YES1: variants seen among roughly 807,000 people sequenced by gnomAD.
YES1 encodes the protein tyrosine-protein kinase Yes.
A neutral mutation model predicts 70.4 loss-of-function variants in YES1; 39 were observed. The ratio of observed to expected loss-of-function variants is 0.55; its 90% CI spans 0.43 to 0.72. The LOEUF is 0.72. YES1 is among the 30% of genes least tolerant of loss of function. The pLI, the probability that YES1 is intolerant of heterozygous loss-of-function variation, is 0.00. For missense variants in YES1, 495 were observed against 644.8 expected (o/e 0.77, Z 2.52); for synonymous variants, 198 against 218.6 (o/e 0.91, Z 0.83).
At chr18:789,138 T>C (rs573347725) in intron 1 of YES1, among the ~76,000 whole-genome samples, 1 of 152,316 alleles carries the variant, frequency 6.6e-6, no homozygotes, top group South Asian at 2.1e-4. Flanking sequence ...TTGGCATTCA[T>C]TGAGTACTGA....
chr18:745,913 A>G, intron 5 of YES1, 35 bp downstream of exon 5: 1 of 1,601,790 alleles, frequency 6.2e-7, no homozygotes, highest in Non-Finnish European at 8.5e-7. Context: ...GCCCCAAGAA[A>G]TTTTATACTT....
intron 1 of YES1, among the ~76,000 whole-genome samples, chr18:785,458 T>C (rs1905887985): frequency 7.9e-6 from 1 of 127,350 alleles, no homozygotes; most frequent in Non-Finnish European, 1.9e-5. Flanking sequence ...TTGTTCTAAG[T>C]AGCTTGTTCT....
chr18:792,011 C>T (rs941243398), intron 1 of YES1, among the ~76,000 whole-genome samples: 3 of 152,130 alleles, frequency 2.0e-5, no homozygotes, highest in African/African-American at 4.8e-5. Flanking sequence ...ATTTCAAGTG[C>T]TCATCTATTA....
intron 1 of YES1, among the ~76,000 whole-genome samples, chr18:772,175 T>C (rs1905189920): frequency 6.7e-6 from 1 of 149,614 alleles, no homozygotes; most frequent in Non-Finnish European, 1.5e-5. Context: ...ATTATAGGCA[T>C]GCACCCACCA....
intron 1 of YES1, among the ~76,000 whole-genome samples, chr18:768,705 T>C (rs1366033295): frequency 6.6e-6 from 1 of 152,076 alleles, no homozygotes; most frequent in Non-Finnish European, 1.5e-5. Flanking sequence ...ATTTATTTAT[T>C]TATTTATTTA....
At chr18:759,101 C>G (rs960910838) in intron 1 of YES1, among the ~76,000 whole-genome samples, 1 of 152,152 alleles carries the variant, frequency 6.6e-6, no homozygotes, top group African/African-American at 2.4e-5. Context: ...AGTCTCAGAA[C>G]CTCAGAATTG....
intron 2 of YES1, among the ~76,000 whole-genome samples, 158 bp downstream of exon 2, chr18:756,399 A>G (rs2080406563): frequency 6.6e-6 from 1 of 152,242 alleles, no homozygotes; most frequent in South Asian, 2.1e-4. Context: ...CCATGTATAC[A>G]ATAAAACTAA....
intron 11 of YES1, among the ~76,000 whole-genome samples, chr18:731,791 C>A (rs561762691): frequency 2.3e-4 from 35 of 151,736 alleles, no homozygotes; most frequent in African/African-American, 8.0e-4. Flanking sequence ...CACGGTGAAA[C>A]CCCGTCTCTA....
At chr18:772,311 G>T (rs1292548069) in intron 1 of YES1, among the ~76,000 whole-genome samples, 1 of 151,976 alleles carries the variant, frequency 6.6e-6, no homozygotes, top group Non-Finnish European at 1.5e-5. Context: ...TTACAGGCAT[G>T]AGCCACCGCA....
In YES1 at chr18:784,671, A is replaced by T. The variant is rs970686469; in HGVS notation, c.-9+27443T>A. On this transcript the variant is annotated intron_variant, in intron 1 of 11. Transcript: ENST00000314574. ...GCTGCCCACATTCCTTGGCTCACAG[A>T]CTCCTTCCACCTTTAAGGCCTGGAA... 2.6e-5 allele frequency among the ~76,000 whole-genome samples: 4 copies of T among 151,662 alleles called. 1 individual carries two copies. The highest frequency in any genetic ancestry group is 2.0e-4 in the Admixed American group (3 of 15,206).
chr18:806,058 T>C lies in YES1; in HGVS notation c.-9+6056A>G, dbSNP rs182292307. On this transcript the variant is annotated intron_variant, in intron 1 of 11. Coordinates refer to ENST00000314574, the MANE Select transcript of YES1 (RefSeq NM_005433.4). Reference sequence around the variant, plus strand: ...CAATAACCCAGCAAAAGTACACCTATGAATTATGCATTCCTTCACACACAT... The same window carrying C: ...CAATAACCCAGCAAAAGTACACCTACGAATTATGCATTCCTTCACACACAT... 1.5e-3 allele frequency among the ~76,000 whole-genome samples: 234 copies of C among 152,316 alleles called. 1 individual carries two copies. The highest frequency in any genetic ancestry group is 5.0e-3 in the African/African-American group (207 of 41,572).
At chr18:772,128 A>T (rs1905187045) in intron 1 of YES1, among the ~76,000 whole-genome samples, 1 of 151,812 alleles carries the variant, frequency 6.6e-6, no homozygotes, top group Non-Finnish European at 1.5e-5. Context: ...TCCTGGGTTC[A>T]AGTGATGCTC....
intron 1 of YES1, among the ~76,000 whole-genome samples, chr18:789,076 C>T (rs1270589812): frequency 6.6e-6 from 1 of 152,124 alleles, no homozygotes; most frequent in Admixed American, 6.5e-5. Context: ...CATGAAATTA[C>T]CTATACATGC....
chr18:792,676 A>G (rs1450517049), intron 1 of YES1, among the ~76,000 whole-genome samples: 3 of 151,844 alleles, frequency 2.0e-5, no homozygotes, highest in Non-Finnish European at 4.4e-5. Flanking sequence ...CAGCAGCAGC[A>G]GCAGCCATGT....
rs755634074 is a variant in YES1, at chr18:756,626, C to T, written c.202G>A (p.Val68Ile). Reference sequence around the variant, plus strand: ...GAAGATGCACCTCCAAAAGGCGTTACCCCTGAGGATCCTCCAAATGGTGTC... The same window carrying T: ...GAAGATGCACCTCCAAAAGGCGTTATCCCTGAGGATCCTCCAAATGGTGTC... ...SMTPFGGSSGVTPFGGASSSF... is the reference protein window; with the variant it reads ...SMTPFGGSSGITPFGGASSSF... Residue 68 changes from valine (V) to isoleucine (I), a missense_variant, in exon 2 of 12, where the codon GTA (valine) becomes ATA (isoleucine). Val to Ile is a conservative substitution (Grantham distance 29, BLOSUM62 3). Coordinates refer to ENST00000314574, the MANE Select transcript of YES1 (RefSeq NM_005433.4). The T allele has an allele frequency of 3.1e-6, 5 of 1,614,166 alleles. No homozygotes were observed. Among genetic ancestry groups the T allele is most frequent in the African/African-American group, 1.3e-5 (1 of 75,042 alleles).
intron 1 of YES1, 108 bp from the exon 2 acceptor site, chr18:756,943 A>G: frequency 9.0e-7 from 1 of 1,104,992 alleles, no homozygotes; most frequent in Non-Finnish European, 1.3e-6. Context: ...CCCTGCAAAA[A>G]GGAACATAAA....
At chr18:733,087 A>C in intron 10 of YES1, 122 bp from the exon 11 acceptor site, 2 of 874,082 alleles carry the variant, frequency 2.3e-6, no homozygotes, top group Non-Finnish European at 3.6e-6. Context: ...CAATTCTTTA[A>C]ATGTACAAGA....
chr18:745,283 C>G (rs1488382052), intron 6 of YES1, among the ~76,000 whole-genome samples: 3 of 152,128 alleles, frequency 2.0e-5, no homozygotes, highest in African/African-American at 7.2e-5. Flanking sequence ...CATCGTCAGA[C>G]CAAATTTCAC....
At chr18:736,626 T>G in intron 10 of YES1, 182 bp downstream of exon 10, 1 of 747,818 alleles carries the variant, frequency 1.3e-6, no homozygotes, top group Non-Finnish European at 2.0e-6. Flanking sequence ...GTCAAGTTCT[T>G]TCTTGGAGGA....
Sources: allele counts gnomAD v4.1 joint callset (sites outside exome capture counted in the v4.1 genomes callset), GRCh38; gene constraint gnomAD v4.1.1; transcripts MANE v1.5; gene names NCBI Gene and HGNC (gene_info 2026-07-23, HGNC 2026-07-21).